Variants in ABCC9 observed in about 807,000 individuals in gnomAD.
ABCC9 encodes the protein ATP-binding cassette sub-family C member 9.
In ABCC9, 95 loss-of-function variants were observed where a neutral mutation model predicts 188.3. That is an observed-to-expected ratio of 0.50 (90% CI 0.43 to 0.60). The LOEUF is 0.60. ABCC9 is among the 20% of genes least tolerant of loss of function. The pLI, the probability that ABCC9 is intolerant of heterozygous loss-of-function variation, is 0.00. For missense variants in ABCC9, 1,102 were observed against 1,876.3 expected (o/e 0.59, Z 7.62); for synonymous variants, 659 against 652.7 (o/e 1.01, Z -0.15).
At chr12:21,931,138 C>A (rs1237477935) in intron 4 of ABCC9, among the ~76,000 whole-genome samples, 1 of 152,088 alleles carries the variant, frequency 6.6e-6, no homozygotes, top group Non-Finnish European at 1.5e-5. Context: ...ATTGTAATCC[C>A]CATGTGTTGG....
At chr12:21,880,201 T>G (rs1432099240) in intron 16 of ABCC9, among the ~76,000 whole-genome samples, 2 of 152,054 alleles carry the variant, frequency 1.3e-5, no homozygotes, top group Admixed American at 1.3e-4. Context: ...CTGATTTACC[T>G]ACTAAATCAC....
At chr12:21,809,575 A>G (rs1009476241) in intron 37 of ABCC9, among the ~76,000 whole-genome samples, 3 of 152,104 alleles carry the variant, frequency 2.0e-5, no homozygotes, top group African/African-American at 7.2e-5. Flanking sequence ...CATTACAATG[A>G]CCTGTACCCA....
intron 12 of ABCC9, among the ~76,000 whole-genome samples, chr12:21,902,482 C>A (rs1947812446): frequency 6.6e-6 from 1 of 151,982 alleles, no homozygotes; most frequent in African/African-American, 2.4e-5. Flanking sequence ...ACACAAAAAA[C>A]CCTTCAAAAA....
chr12:21,875,849 C>T, intron 16 of ABCC9, 123 bp from the exon 17 acceptor site: 1 of 695,280 alleles, frequency 1.4e-6, no homozygotes, highest in Non-Finnish European at 2.4e-6. Flanking sequence ...CTTTGGGAGA[C>T]CAAGGCAGGT....
rs767694387 is a variant in ABCC9 at position 21,933,835 on chromosome 12, G to A, written c.231C>T (p.Phe77=). ...CACAGACATGCACAAACAGGAGAGC[G>A]AATGTAAGAATCCATCTCAGGTTAT... is the stretch of plus-strand genomic sequence containing the variant. The part of the protein sequence containing the change: ...PGHNLRWILT[F]ALLFVHVCEI... Residue 77 remains phenylalanine (F), a synonymous_variant, in exon 4 of 40, where the codon TTC becomes TTT. Transcript: ENST00000261200. The A allele has an allele frequency of 5.0e-6, 8 of 1,613,634 alleles. No individual in the cohort carries two copies. Among genetic ancestry groups the A allele is most frequent in the Admixed American group, 1.7e-5 (1 of 59,986 alleles).
intron 30 of ABCC9, among the ~76,000 whole-genome samples, chr12:21,835,917 A>G (rs1234017975): frequency 1.3e-5 from 2 of 152,128 alleles, no homozygotes. Context: ...TCCTTCTCCA[A>G]TCCTCCACAT....
At chr12:21,921,363 G>T (rs1948813610) in intron 5 of ABCC9, among the ~76,000 whole-genome samples, 1 of 152,000 alleles carries the variant, frequency 6.6e-6, no homozygotes, top group South Asian at 2.1e-4. Flanking sequence ...CCATTCGTGT[G>T]TCTTCTTTTG....
At chr12:21,910,577 A>C (rs1489196243) in intron 9 of ABCC9, among the ~76,000 whole-genome samples, 3 of 151,968 alleles carry the variant, frequency 2.0e-5, no homozygotes, top group Non-Finnish European at 2.9e-5. Flanking sequence ...GCCCTAGAAC[A>C]AACAGAAAGA....
chr12:21,887,993 G>T, intron 14 of ABCC9, 59 bp from the exon 15 acceptor site: 1 of 1,298,262 alleles, frequency 7.7e-7, no homozygotes, highest in Non-Finnish European at 1.1e-6. Flanking sequence ...CCAACAAAGT[G>T]CTACCTAAAT....
At chr12:21,801,871 T>A (rs149761823) in intron 39 of ABCC9, among the ~76,000 whole-genome samples, 3 of 152,304 alleles carry the variant, frequency 2.0e-5, no homozygotes, top group Non-Finnish European at 4.4e-5. Flanking sequence ...GGGTGTTATG[T>A]CTCTCCACTT....
intron 35 of ABCC9, 148 bp downstream of exon 35, chr12:21,814,496 G>T: frequency 1.4e-6 from 1 of 710,676 alleles, no homozygotes. Context: ...CTTTTGAGCT[G>T]TTTATTTGGG....
At chr12:21,905,736 GTT>G (rs1237478612) in intron 12 of ABCC9, among the ~76,000 whole-genome samples, 1 of 152,052 alleles carries the variant, frequency 6.6e-6, no homozygotes, top group Non-Finnish European at 1.5e-5. Context: ...AGTAAACAAA[GTT>G]TTACTTTTTT....
intron 15 of ABCC9, among the ~76,000 whole-genome samples, chr12:21,887,578 C>T (rs962837374): frequency 2.0e-5 from 3 of 152,056 alleles, no homozygotes; most frequent in Non-Finnish European, 2.9e-5. Context: ...AGCAAACTCT[C>T]AATTTCCTTT....
intron 30 of ABCC9, chr12:21,831,032 C>T (rs546606559): frequency 2.7e-5 from 4 of 148,756 alleles, no homozygotes; most frequent in Non-Finnish European, 4.5e-5. Context: ...TATCATCTCT[C>T]TATATACACA....
intron 18 of ABCC9, among the ~76,000 whole-genome samples, chr12:21,868,306 C>T (rs779848234): frequency 1.3e-4 from 20 of 152,170 alleles, no homozygotes; most frequent in Non-Finnish European, 2.8e-4. Context: ...GAGTACTTTA[C>T]TCGATTTTGT....
chr12:21,833,432 G>A (rs140475145), intron 30 of ABCC9, among the ~76,000 whole-genome samples: 154 of 151,810 alleles, frequency 1.0e-3, no homozygotes, highest in African/African-American at 3.6e-3. Context: ...TCTACTTAAA[G>A]CTACCTAGAA....
In ABCC9 at chr12:21,814,702, A is replaced by T; in HGVS notation, c.4044T>A (p.Thr1348=). ...PGQKVGICGR[T]GSGKSSLSLA... Reference sequence around the variant, plus strand: ...GAGATAACGATGATTTCCCACTGCCAGTGCGACCACATATGCCCACCTAGG... The same window carrying T: ...GAGATAACGATGATTTCCCACTGCCTGTGCGACCACATATGCCCACCTAGG... Residue 1348 remains threonine, a synonymous_variant, in exon 35 of 40, where the codon ACT becomes ACA. Transcript: ENST00000261200. 1.2e-6 allele frequency: 2 copies of T among 1,614,046 alleles called. No individual in the cohort carries two copies. The highest frequency in any genetic ancestry group is 1.7e-6 in the Non-Finnish European group (2 of 1,179,948).
Position 21,915,809 on chromosome 12 carries a change from T to C in ABCC9, c.675A>G (p.Lys225=). The change falls in exon 7 of 40, where the codon AAA becomes AAG. Residue 225 remains lysine (K), a synonymous_variant. Transcript: ENST00000261200. Reference sequence around the variant, plus strand: ...GTGTGTTCATCCACCAGTATGTTGCTTTTGACAGCAAATTCACAAATGGTT... The same window carrying C: ...GTGTGTTCATCCACCAGTATGTTGCCTTTGACAGCAAATTCACAAATGGTT... The part of the protein sequence containing the change: ...FLQPFVNLLS[K]ATYWWMNTLI... The C allele has an allele frequency of 6.2e-7, 1 of 1,613,674 alleles. No homozygotes were observed. Among genetic ancestry groups the C allele is most frequent in the Non-Finnish European group, 8.5e-7 (1 of 1,179,852 alleles).
chr12:21,912,916 G>A lies in ABCC9; in HGVS notation c.967C>T (p.Gln323Ter). Residue 323 changes from glutamine to a stop codon, truncating the protein, a stop_gained, in exon 8 of 40, where the codon CAG becomes TAG. Transcript: ENST00000261200. LOFTEE classifies it high-confidence loss of function. ...CCATTCTGGGTTTCATTCACACGCT[G>A]AACTATTCCAGAAATACAAAGAGGT... ...AGPLCISGIV[Q>*]RVNETQNGTN... The A allele has an allele frequency of 2.5e-6, 4 of 1,613,488 alleles. No homozygotes were observed. The highest frequency in any genetic ancestry group is 3.4e-6 in the Non-Finnish European group (4 of 1,179,666).
Sources: gnomAD v4.1 joint callset for allele counts (sites outside exome capture counted in the v4.1 genomes callset) on GRCh38, gnomAD v4.1.1 for gene constraint, MANE v1.5 for transcripts, NCBI Gene and HGNC (gene_info 2026-07-23, HGNC 2026-07-21) for gene names.